VWA3B: variants seen among roughly 807,000 people sequenced by gnomAD.
The protein encoded by VWA3B is von Willebrand factor A domain containing 3B.
A neutral mutation model predicts 158.3 loss-of-function variants in VWA3B; 138 were observed. That is an observed-to-expected ratio of 0.87 (90% CI 0.76 to 1.00). The LOEUF (loss-of-function observed/expected upper bound fraction) is 1.00, where lower values mean the gene tolerates loss of function less well. VWA3B is among the 50% of genes least tolerant of loss of function. The pLI is 0.00. For synonymous variants in VWA3B, 596 were observed against 587.3 expected (o/e 1.01, Z -0.21); for missense variants, 1,555 against 1,565.1 (o/e 0.99, Z 0.11).
rs762001429 is a variant in VWA3B at position 98,181,115 on chromosome 2, C to T, written c.1214C>T (p.Ser405Phe). The change falls in exon 9 of 28, where the codon TCC (serine) becomes TTC (phenylalanine). Residue 405 changes from serine to phenylalanine, a missense_variant. Ser to Phe is a radical substitution (Grantham distance 155). Coordinates refer to ENST00000477737, the MANE Select transcript of VWA3B (RefSeq NM_144992.5). ...QKYGLKAQKL[S>F]LYDVLADCSF... The stretch of plus-strand genomic sequence containing the variant: ...TATGGCTTGAAGGCCCAGAAGCTAT[C>T]CTTGTATGATGTGCTTGCCGACTGC... 4.3e-6 allele frequency: 7 copies of T among 1,614,072 alleles called. No individual in the cohort carries two copies. In the African/African-American group the frequency reaches 9.3e-5, roughly 22 times the overall value.
At position 98,128,559 on chromosome 2, in the gene VWA3B, TTC is replaced by T; in HGVS notation, c.872+154_872+155del. On this transcript the variant is annotated intron_variant, in intron 6 of 27. Transcript: ENST00000477737. ...TTATTTAGTCTCTCTGCATCTTTTCTTCTCCGTCTTGTATTAATCATGACTTT... is the reference window on the plus strand; with the variant it reads ...TTATTTAGTCTCTCTGCATCTTTTCTTCCGTCTTGTATTAATCATGACTTT... 3.7e-6 allele frequency: 3 copies of T among 806,104 alleles called. No individual in the cohort carries two copies. The South Asian group carries it at 6.2e-5, about 17-fold the overall frequency. 49.9% of individuals were successfully genotyped at this position (806,104 alleles called of 1,614,324 possible). A position where few individuals can be genotyped will look rare whatever the true frequency, so the allele number is the denominator to read the frequency against.
In VWA3B at chr2:98,108,254, T is replaced by C. The variant is rs1559538465; in HGVS notation, c.197-7398T>C. ...TTGTTTGGTTTCAGTTCTTGTAAAA[T>C]GTTTAGGATGTTTTATAACCAAATA... is the stretch of plus-strand genomic sequence containing the variant. On this transcript the variant is annotated intron_variant, in intron 2 of 27. Transcript: ENST00000477737. 2.0e-5 allele frequency among the ~76,000 whole-genome samples: 3 copies of C among 152,126 alleles called. No homozygotes were observed. In the South Asian group the frequency reaches 6.2e-4, roughly 31 times the overall value.
At chr2:98,225,061 G>C (rs2105659173) in intron 14 of VWA3B, among the ~76,000 whole-genome samples, 1 of 152,304 alleles carries the variant, frequency 6.6e-6, no homozygotes, top group Middle Eastern at 3.4e-3. Context: ...AGCCTCCCAA[G>C]TAGCTGGGAT....
chr2:98,119,496 C>A lies in VWA3B; in HGVS notation c.292-17C>A. ...TTTGGTGTTGTTTTATTGTTTTTGT[C>A]TTTTATTTTCATTAAGCTGACAGCT... On this transcript the variant is annotated splice_polypyrimidine_tract_variant and intron_variant, in intron 3 of 27. Transcript: ENST00000477737. 2 of 1,610,510 alleles carry A rather than the reference C, an allele frequency of 1.2e-6. No homozygotes were observed. The highest frequency in any genetic ancestry group is 1.7e-6 in the Non-Finnish European group (2 of 1,178,550).
At chr2:98,199,899 T>G (rs1158753379) in intron 12 of VWA3B, among the ~76,000 whole-genome samples, 1 of 152,204 alleles carries the variant, frequency 6.6e-6, no homozygotes, top group Non-Finnish European at 1.5e-5. Context: ...GTATGCTAAG[T>G]GTATGTTTAA....
intron 26 of VWA3B, among the ~76,000 whole-genome samples, chr2:98,308,864 C>CAAGACTCCTCCTTAAG (rs1690702345): frequency 6.6e-6 from 1 of 152,196 alleles, no homozygotes; most frequent in Non-Finnish European, 1.5e-5. Context: ...TTTTTACCTT[C>CAAGACTCCTCCTTAAG]AAGACTCCTC....
At chr2:98,216,048 T>C (rs1426904789) in intron 13 of VWA3B, among the ~76,000 whole-genome samples, 3 of 152,230 alleles carry the variant, frequency 2.0e-5, no homozygotes, top group Admixed American at 2.0e-4. Flanking sequence ...CCCGTGTTAT[T>C]ATTCCAAATA....
At chr2:98,309,501 A>T (rs1690750225) in intron 26 of VWA3B, among the ~76,000 whole-genome samples, 1 of 152,134 alleles carries the variant, frequency 6.6e-6, no homozygotes, top group South Asian at 2.1e-4. Flanking sequence ...TTCCTGTTAC[A>T]CAAAATATTA....
chr2:98,186,664 G>A (rs1006967630), intron 9 of VWA3B, among the ~76,000 whole-genome samples: 5 of 151,804 alleles, frequency 3.3e-5, no homozygotes, highest in African/African-American at 1.2e-4. Context: ...TTTTCAGAAC[G>A]TGCCTGTCAT....
intron 13 of VWA3B, among the ~76,000 whole-genome samples, chr2:98,213,669 G>C (rs1485337440): frequency 1.3e-5 from 2 of 152,114 alleles, no homozygotes; most frequent in East Asian, 1.9e-4. Context: ...AGTAGGCTTG[G>C]GGGTGGCTGG....
At position 98,149,391 on chromosome 2, in the gene VWA3B, T is replaced by A. The variant is rs947819641; in HGVS notation, c.989-13460T>A. On this transcript the variant is annotated intron_variant, in intron 7 of 27. Coordinates refer to ENST00000477737, the MANE Select transcript of VWA3B (RefSeq NM_144992.5). ...CCACAGGATGTGAGCTGGCTGAGCATAGGGGCTCCAGAGCCCAGTTACAGA... is the reference window on the plus strand; with the variant it reads ...CCACAGGATGTGAGCTGGCTGAGCAAAGGGGCTCCAGAGCCCAGTTACAGA... Among the ~76,000 whole-genome samples, 37 of 152,182 alleles carry A rather than the reference T, an allele frequency of 2.4e-4. 1 individual carries two copies.
At chr2:98,311,684 C>G (rs1480832205) in intron 26 of VWA3B, 135 bp from the exon 27 acceptor site, 2 of 1,055,582 alleles carry the variant, frequency 1.9e-6, no homozygotes, top group African/African-American at 3.2e-5. Context: ...GGGTTCACAG[C>G]GCTCCAGAGA....
rs1488165714 is a variant in VWA3B at position 98,093,269 on chromosome 2, C to T, written c.177C>T (p.Ile59=). The change falls in exon 2 of 28, where the codon ATC becomes ATT. Residue 59 remains isoleucine (I), a synonymous_variant. Transcript: ENST00000477737. Reference sequence around the variant, plus strand: ...CCTTGAAACAGATTTTGTCACAGATCGGATTCCCACATTGTGAAGGTACAG... The same window carrying T: ...CCTTGAAACAGATTTTGTCACAGATTGGATTCCCACATTGTGAAGGTACAG... ...KLTLKQILSQ[I]GFPHCEDYVA... 20 of 1,614,040 alleles carry T rather than the reference C, an allele frequency of 1.2e-5. No individual in the cohort carries two copies. Among genetic ancestry groups the T allele is most frequent in the Middle Eastern group, 1.6e-4 (1 of 6,062 alleles).
At chr2:98,279,670 C>A (rs1204729858) in intron 22 of VWA3B, among the ~76,000 whole-genome samples, 1 of 152,196 alleles carries the variant, frequency 6.6e-6, no homozygotes. Flanking sequence ...CTGTTATCAT[C>A]CCCAGACTTA....
At chr2:98,130,367 A>G (rs1375397906) in intron 6 of VWA3B, among the ~76,000 whole-genome samples, 2 of 152,050 alleles carry the variant, frequency 1.3e-5, no homozygotes, top group South Asian at 4.1e-4. Context: ...TCTCAACTGC[A>G]AAGAGGTATT....
At chr2:98,217,793 T>C in intron 13 of VWA3B, 53 bp from the exon 14 acceptor site, 2 of 1,473,540 alleles carry the variant, frequency 1.4e-6, no homozygotes, top group Non-Finnish European at 9.0e-7. Flanking sequence ...TATTCTTTTC[T>C]TTCTCTTCTC....
downstream of VWA3B, among the ~76,000 whole-genome samples, chr2:98,317,415 G>A (rs1189422600): frequency 6.6e-6 from 1 of 152,210 alleles, no homozygotes; most frequent in Non-Finnish European, 1.5e-5. Context: ...GGCCCTGAGG[G>A]GAAGTGGGGG....
the VWA3B span, among the ~76,000 whole-genome samples, chr2:98,324,713 G>C: frequency 6.6e-6 from 1 of 152,176 alleles, no homozygotes. Flanking sequence ...CCATGAAAAT[G>C]TGATCTCCCA....
intron 21 of VWA3B, 30 bp downstream of exon 21, chr2:98,256,204 T>TA (rs386390707): frequency 6.2e-7 from 1 of 1,606,034 alleles, no homozygotes; most frequent in African/African-American, 1.4e-5. Context: ...CCTCACTTTT[T>TA]TTTTTTGGTG....
Sources: gnomAD v4.1 joint callset for allele counts (sites outside exome capture counted in the v4.1 genomes callset) on GRCh38, gnomAD v4.1.1 for gene constraint, MANE v1.5 for transcripts, NCBI Gene and HGNC (gene_info 2026-07-23, HGNC 2026-07-21) for gene names.